The following ZNF420 variants were observed in gnomAD, a reference collection of about 807,000 sequenced individuals.
ZNF420 encodes ATM and p53-associated KZNF protein.
Under a neutral mutation model 44.7 loss-of-function variants are expected in ZNF420, and 31 were observed. The observed-to-expected ratio is 0.69, with a 90% CI of 0.52 to 0.94. ZNF420 has a LOEUF of 0.94. Ranked by LOEUF, ZNF420 falls within the 40% of genes least tolerant of loss-of-function variation. ZNF420 has a pLI of 0.00. For synonymous variants in ZNF420, 245 were observed against 267.4 expected (o/e 0.92, Z 0.82); for missense variants, 681 against 827.9 (o/e 0.82, Z 2.18).
intron 4 of ZNF420, among the ~76,000 whole-genome samples, chr19:37,102,231 A>C (rs541111479): frequency 1.3e-5 from 2 of 152,128 alleles, no homozygotes; most frequent in Non-Finnish European, 2.9e-5. Flanking sequence ...GGAGGGCCCA[A>C]GGCAAAGACT....
chr19:37,098,781 A>C lies in ZNF420; in HGVS notation c.136+7660A>C, dbSNP rs558249592. ...TAGTCACCTTATTGTGCAATAGTACATCAGAACTTATTTCTCCTATCTAAC... is the reference window on the plus strand; with the variant it reads ...TAGTCACCTTATTGTGCAATAGTACCTCAGAACTTATTTCTCCTATCTAAC... On this transcript the variant is annotated intron_variant, in intron 4 of 4. Coordinates refer to ENST00000337995, the MANE Select transcript of ZNF420 (RefSeq NM_144689.5). Among the ~76,000 whole-genome samples the C allele has an allele frequency of 3.9e-5, 6 of 152,298 alleles. No individual in the cohort carries two copies. In the East Asian group the frequency reaches 9.7e-4, roughly 25 times the overall value.
chr19:37,117,326 T>A (rs572995523), intron 4 of ZNF420, among the ~76,000 whole-genome samples: 1 of 149,920 alleles, frequency 6.7e-6, no homozygotes, highest in South Asian at 2.1e-4. Flanking sequence ...CCACCGCTGT[T>A]CTGCAGCCAC....
intron 1 of ZNF420, among the ~76,000 whole-genome samples, chr19:37,031,497 A>G (rs1967255363): frequency 1.3e-5 from 2 of 151,738 alleles, no homozygotes; most frequent in Admixed American, 1.3e-4. Flanking sequence ...TAATTTTATT[A>G]TGCATTTTCT....
chr19:37,117,480 T>C (rs1231461783), intron 4 of ZNF420, among the ~76,000 whole-genome samples: 1 of 151,992 alleles, frequency 6.6e-6, no homozygotes, highest in Non-Finnish European at 1.5e-5. Flanking sequence ...TACGTCACCA[T>C]CATCAAAGAC....
intron 1 of ZNF420, among the ~76,000 whole-genome samples, chr19:37,049,991 G>C (rs1004297510): frequency 1.3e-5 from 2 of 152,032 alleles, no homozygotes; most frequent in Non-Finnish European, 2.9e-5. Flanking sequence ...CCCATTTCTT[G>C]TTTTTGTCAG....
intron 1 of ZNF420, among the ~76,000 whole-genome samples, chr19:37,047,104 AT>A (rs1358879094): frequency 3.3e-5 from 5 of 152,240 alleles, no homozygotes; most frequent in Non-Finnish European, 5.9e-5. Flanking sequence ...GCCAACGATT[AT>A]GATTTATCCA....
At chr19:37,023,633 T>C (rs1309659657) in intron 1 of ZNF420, among the ~76,000 whole-genome samples, 1 of 152,210 alleles carries the variant, frequency 6.6e-6, no homozygotes, top group African/African-American at 2.4e-5. Context: ...CCCAAAGTGC[T>C]GGGATTACAG....
At chr19:37,044,728 A>T (rs915434482) in intron 1 of ZNF420, among the ~76,000 whole-genome samples, 1 of 152,086 alleles carries the variant, frequency 6.6e-6, no homozygotes, top group Non-Finnish European at 1.5e-5. Flanking sequence ...TTAGCCGGGC[A>T]TGGTGCTGCT....
intron 1 of ZNF420, among the ~76,000 whole-genome samples, chr19:37,012,587 C>T (rs190596174): frequency 2.0e-5 from 3 of 152,312 alleles, no homozygotes; most frequent in African/African-American, 7.2e-5. Context: ...TCAGGCCTGC[C>T]GGGACGGCGT....
At chr19:37,045,237 G>A (rs1193230253) in intron 1 of ZNF420, among the ~76,000 whole-genome samples, 1 of 152,150 alleles carries the variant, frequency 6.6e-6, no homozygotes, top group Non-Finnish European at 1.5e-5. Flanking sequence ...TTCAAAGCCT[G>A]ATGCCTTTGA....
rs1173884159 is a variant in ZNF420 at position 37,119,004 on chromosome 19, C to A, written c.137-8124C>A. 1.6e-4 allele frequency among the ~76,000 whole-genome samples: 24 copies of A among 152,268 alleles called. 1 individual carries two copies. The East Asian group carries it at 4.4e-3, about 28-fold the overall frequency. On this transcript the variant is annotated intron_variant, in intron 4 of 4. Transcript: ENST00000337995. ...AGTGACCTACAAAGAGACTTAGACT[C>A]CCACACAATAATAATGGGAGACTTT... is the stretch of plus-strand genomic sequence containing the variant.
chr19:37,059,906 CCT>C (rs1394552051), intron 1 of ZNF420, among the ~76,000 whole-genome samples: 4 of 151,578 alleles, frequency 2.6e-5, no homozygotes, highest in Non-Finnish European at 5.9e-5. Flanking sequence ...TCTCTCTCTC[CCT>C]CTGTCTGTAT....
At chr19:37,074,561 A>AT (rs1219458781), upstream of ZNF420, among the ~76,000 whole-genome samples, 1 of 152,214 alleles carries the variant, frequency 6.6e-6, no homozygotes, top group Non-Finnish European at 1.5e-5. Context: ...ACCAGGATGG[A>AT]TATTTTAAAT....
At chr19:37,032,238 C>A (rs187694465) in intron 1 of ZNF420, among the ~76,000 whole-genome samples, 1 of 151,870 alleles carries the variant, frequency 6.6e-6, no homozygotes, top group African/African-American at 2.4e-5. Flanking sequence ...TACTGGGAGG[C>A]TGAGGCAGGA....
chr19:37,117,993 C>A (rs1970792687), intron 4 of ZNF420, among the ~76,000 whole-genome samples: 4 of 152,184 alleles, frequency 2.6e-5, no homozygotes, highest in South Asian at 4.1e-4. Context: ...AAATCTATGT[C>A]TGATTGGTGT....
Position 37,013,338 on chromosome 19 carries a change from G to A in ZNF420, c.-125+5256G>A, listed in dbSNP as rs117396024. Among the ~76,000 whole-genome samples, 1,249 of 152,302 alleles carry A rather than the reference G, an allele frequency of 8.2e-3. 29 individuals are homozygous for A. The highest frequency in any genetic ancestry group is 0.05 in the East Asian group (257 of 5,182). ...CCTTGCCAATGTGCATGCTCGTGGCGTGTGCAGGTTCTCACGTCTTAATGA... is the reference window on the plus strand; with the variant it reads ...CCTTGCCAATGTGCATGCTCGTGGCATGTGCAGGTTCTCACGTCTTAATGA... On this transcript the variant is annotated intron_variant, in intron 1 of 4. Transcript: ENST00000587029.
chr19:37,018,190 G>A (rs756573284), intron 1 of ZNF420, among the ~76,000 whole-genome samples: 6 of 152,156 alleles, frequency 3.9e-5, no homozygotes, highest in Non-Finnish European at 7.3e-5. Context: ...TTCATGGATT[G>A]GGAAATTTAA....
At chr19:37,031,369 A>G (rs1967253458) in intron 1 of ZNF420, among the ~76,000 whole-genome samples, 1 of 152,204 alleles carries the variant, frequency 6.6e-6, no homozygotes, top group African/African-American at 2.4e-5. Context: ...ACCAACACCA[A>G]GAAGTCCTCT....
intron 4 of ZNF420, chr19:37,107,829 G>T (rs1373989511): frequency 7.9e-6 from 1 of 126,876 alleles, no homozygotes; most frequent in African/African-American, 3.4e-5. Context: ...CTCAGTTCCT[G>T]GTACCAAATT....
Sources: gnomAD v4.1 joint callset for allele counts (sites outside exome capture counted in the v4.1 genomes callset) on GRCh38, gnomAD v4.1.1 for gene constraint, MANE v1.5 for transcripts, NCBI Gene and HGNC (gene_info 2026-07-23, HGNC 2026-07-21) for gene names.